RBFOX3: variants seen among roughly 807,000 people sequenced by gnomAD.
RBFOX3 encodes the protein RNA binding protein fox-1 homolog 3.
Under a neutral mutation model 48.7 loss-of-function variants are expected in RBFOX3, and 17 were observed. The observed-to-expected ratio is 0.35, with a 90% CI of 0.24 to 0.52. The LOEUF (loss-of-function observed/expected upper bound fraction) is 0.52, where lower values mean the gene tolerates loss of function less well. Among genes scored for constraint, RBFOX3 ranks in the 20% least tolerant of loss-of-function variants. The pLI is 0.94. For missense variants in RBFOX3, 382 were observed against 497.5 expected (o/e 0.77, Z 2.21); for synonymous variants, 212 against 209.5 (o/e 1.01, Z -0.10).
chr17:79,137,631 G>T (rs1432079713), intron 4 of RBFOX3, among the ~76,000 whole-genome samples: 1 of 151,928 alleles, frequency 6.6e-6, no homozygotes, highest in Non-Finnish European at 1.5e-5. Flanking sequence ...CAAGCTGCTG[G>T]CGCCTGGCCT....
At chr17:79,621,423 A>T in the RBFOX3 span, among the ~76,000 whole-genome samples, 4 of 152,160 alleles carry the variant, frequency 2.6e-5, no homozygotes, top group Non-Finnish European at 5.9e-5. Flanking sequence ...ATACCCAGCG[A>T]GGGGGCCATC....
At chr17:79,108,979 C>T (rs2077973647) in intron 5 of RBFOX3, among the ~76,000 whole-genome samples, 1 of 152,254 alleles carries the variant, frequency 6.6e-6, no homozygotes, top group Admixed American at 6.5e-5. Context: ...ATGCAGCACA[C>T]ACCCCACAGC....
chr17:79,351,060 T>C (rs551134686), intron 2 of RBFOX3, among the ~76,000 whole-genome samples: 3 of 152,380 alleles, frequency 2.0e-5, no homozygotes, highest in African/African-American at 7.2e-5. Flanking sequence ...CGTAATGTTT[T>C]CAAGGTTCCT....
chr17:79,345,442 T>C (rs1051151086), intron 2 of RBFOX3, among the ~76,000 whole-genome samples: 1 of 152,228 alleles, frequency 6.6e-6, no homozygotes, highest in Non-Finnish European at 1.5e-5. Context: ...GTCCTTCTTA[T>C]GAATAAGAAG....
intron 1 of RBFOX3, among the ~76,000 whole-genome samples, chr17:79,610,524 C>T (rs2093949551): frequency 6.6e-6 from 1 of 152,062 alleles, no homozygotes; most frequent in Admixed American, 6.5e-5. Flanking sequence ...CTGGCGTCTC[C>T]ATGGAGCCCG....
intron 2 of RBFOX3, among the ~76,000 whole-genome samples, chr17:79,340,563 T>C (rs1464310978): frequency 6.6e-6 from 1 of 152,138 alleles, no homozygotes; most frequent in East Asian, 1.9e-4. Context: ...CATCCTGGTG[T>C]GTCTGAAAAG....
chr17:79,455,583 GC>G (rs2074332267), intron 2 of RBFOX3, among the ~76,000 whole-genome samples: 1 of 151,982 alleles, frequency 6.6e-6, no homozygotes. Flanking sequence ...ACGGGTGTGT[GC>G]ACACACACAC....
intron 1 of RBFOX3, among the ~76,000 whole-genome samples, chr17:79,565,932 C>A (rs1421735166): frequency 2.6e-5 from 4 of 152,168 alleles, no homozygotes; most frequent in African/African-American, 9.7e-5. Context: ...GCTTGGAGAG[C>A]TTGGCTATTT....
intron 2 of RBFOX3, among the ~76,000 whole-genome samples, chr17:79,434,222 A>G (rs1568242726): frequency 6.6e-6 from 1 of 152,152 alleles, no homozygotes; most frequent in Non-Finnish European, 1.5e-5. Flanking sequence ...GGCTACTGCA[A>G]TTTTTTTGCT....
At chr17:79,323,825 C>T (rs891472362) in intron 2 of RBFOX3, among the ~76,000 whole-genome samples, 7 of 152,344 alleles carry the variant, frequency 4.6e-5, no homozygotes, top group African/African-American at 1.2e-4. Flanking sequence ...GGGTTCATTA[C>T]CATGCAGATC....
intron 1 of RBFOX3, among the ~76,000 whole-genome samples, chr17:79,590,908 A>G (rs921078975): frequency 8.5e-5 from 13 of 152,214 alleles, no homozygotes; most frequent in Non-Finnish European, 1.8e-4. Flanking sequence ...GAAATCTTCA[A>G]TGAACCCCAA....
At chr17:79,660,274 G>A in the RBFOX3 span, among the ~76,000 whole-genome samples, 2 of 152,110 alleles carry the variant, frequency 1.3e-5, no homozygotes, top group Non-Finnish European at 1.5e-5. Flanking sequence ...AACACCGAAA[G>A]CAATCGCAAC....
chr17:79,434,231 C>T (rs2068978841), intron 2 of RBFOX3, among the ~76,000 whole-genome samples: 1 of 152,190 alleles, frequency 6.6e-6, no homozygotes. Context: ...AATTTTTTTG[C>T]TGCTCTGCAC....
intron 4 of RBFOX3, among the ~76,000 whole-genome samples, chr17:79,126,569 G>T (rs928024339): frequency 6.6e-6 from 1 of 152,086 alleles, no homozygotes; most frequent in African/African-American, 2.4e-5. Flanking sequence ...AGCAGGGGTG[G>T]TCCTGCCCTC....
chr17:79,293,353 GCCTCCCTCCCCTCCC>G (rs1291926387), intron 3 of RBFOX3, among the ~76,000 whole-genome samples: 2 of 74,756 alleles, frequency 2.7e-5, no homozygotes, highest in Non-Finnish European at 5.3e-5. Context: ...TTCCTTCCCT[GCCTCCCTCCCCTCCC>G]CCTCCCTCCC....
chr17:79,406,785 G>A (rs1248770635), intron 2 of RBFOX3, among the ~76,000 whole-genome samples: 1 of 152,186 alleles, frequency 6.6e-6, no homozygotes, highest in Non-Finnish European at 1.5e-5. Flanking sequence ...CCCCGCCATG[G>A]GAAAGGGTGA....
At chr17:79,395,063 C>A (rs7225663) in intron 2 of RBFOX3, among the ~76,000 whole-genome samples, 91,532 of 152,126 alleles carry the variant, frequency 0.6, 27,428 homozygotes, top group Middle Eastern at 0.66. Context: ...TCATTCAGTG[C>A]GACTGATGGG....
chr17:79,649,399 C>T, the RBFOX3 span, among the ~76,000 whole-genome samples: 1 of 152,242 alleles, frequency 6.6e-6, no homozygotes, highest in Admixed American at 6.5e-5. Context: ...TTAGTCTGTT[C>T]TTGCACTGCT....
intron 3 of RBFOX3, among the ~76,000 whole-genome samples, chr17:79,270,253 A>T (rs2143629624): frequency 6.6e-6 from 1 of 152,244 alleles, no homozygotes; most frequent in South Asian, 2.1e-4. Flanking sequence ...CCCTGTGCTG[A>T]TCACTTCCAA....
Sources: allele counts gnomAD v4.1 joint callset (sites outside exome capture counted in the v4.1 genomes callset), GRCh38; gene constraint gnomAD v4.1.1; transcripts MANE v1.5; gene names NCBI Gene and HGNC (gene_info 2026-07-23, HGNC 2026-07-21).